The following TNPO2 variants were observed in gnomAD, a reference collection of about 807,000 sequenced individuals.
The protein encoded by TNPO2 is transportin-2.
In TNPO2, 16 loss-of-function variants were observed where a neutral mutation model predicts 111.1. The ratio of observed to expected loss-of-function variants is 0.14; its 90% CI spans 0.10 to 0.22. The LOEUF (loss-of-function observed/expected upper bound fraction) is 0.22, where lower values mean the gene tolerates loss of function less well. Ranked by LOEUF, TNPO2 falls within the 10% of genes least tolerant of loss-of-function variation. TNPO2 has a pLI of 1.00. For missense variants in TNPO2, 530 were observed against 1,173.7 expected (o/e 0.45, Z 8.01); for synonymous variants, 481 against 475.8 (o/e 1.01, Z -0.14).
rs796356190 is a variant in TNPO2 at position 12,699,636 on chromosome 19, A to G, written c.*1628T>C. 5.3e-5 allele frequency: 8 copies of G among 152,100 alleles called. No homozygotes were observed. Among genetic ancestry groups the G allele is most frequent in the African/African-American group, 1.9e-4 (8 of 41,426 alleles). 9.4% of individuals were successfully genotyped at this position (152,100 alleles called of 1,614,324 possible). ...TTCAAAGAACTGGAATTACCAGAAA[A>G]TTAAAAGGTATTTTTAAAACTTTTT... is the stretch of plus-strand genomic sequence containing the variant. On this transcript the variant is annotated 3_prime_UTR_variant, in exon 26 of 26. Transcript: ENST00000425528.
chr19:12,701,298 GCT>G lies in TNPO2; in HGVS notation c.*20+26_*20+27del. On this transcript the variant is annotated intron_variant, in intron 25 of 25. Coordinates refer to ENST00000425528, the MANE Select transcript of TNPO2 (RefSeq NM_001382241.1). This position sits in a 1 kb window ranked among gnomAD's most constrained non-coding sequence, Gnocchi z 5.0. Reference sequence around the variant, plus strand: ...GGGACCTTTCGGCCCCCAAGACAGTGCTGACTTGCCAGCTGCAGTCTCCTTAC... The same window carrying G: ...GGGACCTTTCGGCCCCCAAGACAGTGGACTTGCCAGCTGCAGTCTCCTTAC... 6.7e-7 allele frequency: 1 copy of G among 1,500,016 alleles called. No homozygotes were observed. Among genetic ancestry groups the G allele is most frequent in the East Asian group, 2.3e-5 (1 of 44,064 alleles). 92.9% of individuals were successfully genotyped at this position (1,500,016 alleles called of 1,614,324 possible).
rs200335232 is a variant in TNPO2, at chr19:12,715,869, CT to C, written c.326-131del. The C allele has an allele frequency of 2.4e-3, 1,399 of 578,964 alleles. No individual in the cohort carries two copies. The highest frequency in any genetic ancestry group is 3.1e-3 in the Middle Eastern group (7 of 2,242). 35.9% of individuals were successfully genotyped at this position (578,964 alleles called of 1,614,324 possible). A position where few individuals can be genotyped will look rare whatever the true frequency, so the allele number is the denominator to read the frequency against. Reference sequence around the variant, plus strand: ...ATGTACGCCCTCTACATCCCCCCTCCTTTTTTTTTTCTTTGTAAGAGATAGA... The same window carrying C: ...ATGTACGCCCTCTACATCCCCCCTCCTTTTTTTTTCTTTGTAAGAGATAGA... On this transcript the variant is annotated intron_variant, in intron 5 of 25. Transcript: ENST00000425528. This position sits in a 1 kb window ranked among gnomAD's most constrained non-coding sequence, Gnocchi z 7.1.
rs943622249 is a variant in TNPO2, at chr19:12,721,135, G to T, written c.-13-145C>A. Reference sequence around the variant, plus strand: ...AGGCCTCCGATCCACGCCCGCCCAAGTGCGGGGTCCCCGCCAGCTGCGCCA... The same window carrying T: ...AGGCCTCCGATCCACGCCCGCCCAATTGCGGGGTCCCCGCCAGCTGCGCCA... On this transcript the variant is annotated intron_variant, in intron 2 of 25. Transcript: ENST00000425528. This position sits in a 1 kb window ranked among gnomAD's most constrained non-coding sequence, Gnocchi z 4.9. 6.8e-7 allele frequency: 1 copy of T among 1,469,478 alleles called. No homozygotes were observed. The highest frequency in any genetic ancestry group is 8.9e-7 in the Non-Finnish European group (1 of 1,118,042). The allele number at this position is 1,469,478 out of a possible 1,614,324, so 91.0% of individuals were successfully genotyped here.
Position 12,712,856 on chromosome 19 carries a change from ACT to A in TNPO2, c.891-1245_891-1244del, listed in dbSNP as rs2026141933. ...CTTTGTCTTGTGTCTTTATTTCTACACTCTCTCATCGCCGCACACAGGAAGAG... is the reference window on the plus strand; with the variant it reads ...CTTTGTCTTGTGTCTTTATTTCTACACTCTCATCGCCGCACACAGGAAGAG... On this transcript the variant is annotated intron_variant, in intron 10 of 25. Transcript: ENST00000425528. 2.0e-5 allele frequency among the ~76,000 whole-genome samples: 3 copies of A among 151,676 alleles called. No individual in the cohort carries two copies. The South Asian group carries it at 6.3e-4, about 32-fold the overall frequency.
chr19:12,703,425 C>T lies in TNPO2; in HGVS notation c.2209+3G>A. ...CGCGTGTTGCCACTTGCAGGGCACT[C>T]ACCCATCTGCATGCAGATTTCACCA... On this transcript the variant is annotated splice_donor_region_variant and intron_variant, in intron 20 of 25. Coordinates refer to ENST00000425528, the MANE Select transcript of TNPO2 (RefSeq NM_001382241.1). The T allele has an allele frequency of 6.2e-7, 1 of 1,613,496 alleles. No individual in the cohort carries two copies. The highest frequency in any genetic ancestry group is 8.5e-7 in the Non-Finnish European group (1 of 1,179,626).
At chr19:12,720,261 C>T (rs763726731) in intron 3 of TNPO2, among the ~76,000 whole-genome samples, 12 of 151,758 alleles carry the variant, frequency 7.9e-5, no homozygotes, top group Admixed American at 2.6e-4. Flanking sequence ...TCAGGTGATC[C>T]GTCCGCCTCG....
At position 12,721,246 on chromosome 19, in the gene TNPO2, AT is replaced by A; in HGVS notation, c.-13-257del. 7.7e-7 allele frequency: 1 copy of A among 1,302,190 alleles called. No homozygotes were observed. Among genetic ancestry groups the A allele is most frequent in the Non-Finnish European group, 9.8e-7 (1 of 1,023,110 alleles). 80.7% of individuals were successfully genotyped at this position (1,302,190 alleles called of 1,614,324 possible). ...AGGCGGCGGCGGCGGGGCCCGGCGG[AT>A]CCTCATGGGACCCAGCGAAGAGCCC... On this transcript the variant is annotated intron_variant, in intron 2 of 25. Coordinates refer to ENST00000425528, the MANE Select transcript of TNPO2 (RefSeq NM_001382241.1). The surrounding 1 kb of genome is among the most constrained non-coding windows in gnomAD (Gnocchi z 4.9).
In TNPO2 at chr19:12,706,881, C is replaced by T; in HGVS notation, c.1271-86G>A. Reference sequence around the variant, plus strand: ...GGAGAGAAGAGTCAGCCGCACACAACATATAGGGAAACTGAGGCTTAGAGT... The same window carrying T: ...GGAGAGAAGAGTCAGCCGCACACAATATATAGGGAAACTGAGGCTTAGAGT... On this transcript the variant is annotated intron_variant, in intron 13 of 25. Transcript: ENST00000425528. The surrounding 1 kb of genome is among the most constrained non-coding windows in gnomAD (Gnocchi z 7.0). 4 of 1,125,362 alleles carry T rather than the reference C, an allele frequency of 3.6e-6. No homozygotes were observed. The highest frequency in any genetic ancestry group is 1.5e-5 in the African/African-American group (1 of 64,902). 69.7% of individuals were successfully genotyped at this position (1,125,362 alleles called of 1,614,324 possible).
chr19:12,714,643 T>A (rs556880843), intron 10 of TNPO2, among the ~76,000 whole-genome samples, 178 bp downstream of exon 10: 2 of 152,280 alleles, frequency 1.3e-5, no homozygotes, highest in South Asian at 4.1e-4. Context: ...ACCTATCAGT[T>A]ACCTAATTTT....
Position 12,703,863 on chromosome 19 carries a change from G to A in TNPO2, c.2023-62C>T, listed in dbSNP as rs1019965941. 7 of 1,420,496 alleles carry A rather than the reference G, an allele frequency of 4.9e-6. No individual in the cohort carries two copies. In the African/African-American group the frequency reaches 8.6e-5, roughly 17 times the overall value. The allele number at this position is 1,420,496 out of a possible 1,614,324, so 88.0% of individuals were successfully genotyped here. A position where few individuals can be genotyped will look rare whatever the true frequency, so the allele number is the denominator to read the frequency against. On this transcript the variant is annotated intron_variant, in intron 18 of 25. Coordinates refer to ENST00000425528, the MANE Select transcript of TNPO2 (RefSeq NM_001382241.1). ...CCTCCTTCTAACCAGGACAGCTCAGGGGGCACAGTCCCTGGTGCATGTCCA... is the reference window on the plus strand; with the variant it reads ...CCTCCTTCTAACCAGGACAGCTCAGAGGGCACAGTCCCTGGTGCATGTCCA...
In TNPO2 at chr19:12,701,902, T is replaced by G. The variant is rs1198641087; in HGVS notation, c.2412-51A>C. ...TCAGAGGGCAGGCTGGGCATGCATC[T>G]GTGGAGGGCTGGGTCACTGGGGATC... On this transcript the variant is annotated intron_variant, in intron 22 of 25. Coordinates refer to ENST00000425528, the MANE Select transcript of TNPO2 (RefSeq NM_001382241.1). This position sits in a 1 kb window ranked among gnomAD's most constrained non-coding sequence, Gnocchi z 5.0. 2 of 1,534,774 alleles carry G rather than the reference T, an allele frequency of 1.3e-6. No individual in the cohort carries two copies. The highest frequency in any genetic ancestry group is 1.8e-6 in the Non-Finnish European group (2 of 1,110,708).
Position 12,702,860 on chromosome 19 carries a change from G to C in TNPO2, c.2268C>G (p.Asn756Lys), listed in dbSNP as rs371119871. ...GCAGTGTCTTGGGTGTGTTGGGTCGGTTAATGATTTCCACCAGGTTGTTGA... is the reference window on the plus strand; with the variant it reads ...GCAGTGTCTTGGGTGTGTTGGGTCGCTTAATGATTTCCACCAGGTTGTTGA... ...MVLNNLVEII[N>K]RPNTPKTLLE... The change falls in exon 21 of 26, where the codon AAC becomes AAG. Residue 756 changes from asparagine (N) to lysine (K), a missense_variant. This residue lies in a region of TNPO2 where 183 missense variants were observed against 481.0 expected (regional missense o/e 0.38). Transcript: ENST00000425528. This position sits in a 1 kb window ranked among gnomAD's most constrained non-coding sequence, Gnocchi z 5.5. 10 of 1,613,922 alleles carry C rather than the reference G, an allele frequency of 6.2e-6. No homozygotes were observed. Among genetic ancestry groups the C allele is most frequent in the Non-Finnish European group, 8.5e-6 (10 of 1,179,828 alleles).
At chr19:12,712,279 G>A (rs1456840566) in intron 10 of TNPO2, among the ~76,000 whole-genome samples, 2 of 152,288 alleles carry the variant, frequency 1.3e-5, no homozygotes, top group East Asian at 1.9e-4. Flanking sequence ...ATGGTCCAGC[G>A]GTAGCAAAAG....
intron 10 of TNPO2, among the ~76,000 whole-genome samples, chr19:12,714,564 G>A (rs143283699): frequency 1.9e-4 from 29 of 152,064 alleles, no homozygotes; most frequent in African/African-American, 6.3e-4. Context: ...TGCCCGCCTC[G>A]GCCTCCCAAA....
chr19:12,714,774 C>A, intron 10 of TNPO2, 47 bp downstream of exon 10: 2 of 1,497,320 alleles, frequency 1.3e-6, no homozygotes, highest in Non-Finnish European at 1.9e-6. Context: ...AGAGGCATAG[C>A]AAGGGGTCGA....
At chr19:12,714,996 C>T (rs1568337606) in intron 9 of TNPO2, 51 bp downstream of exon 9, 1 of 1,586,634 alleles carries the variant, frequency 6.3e-7, no homozygotes, top group Non-Finnish European at 8.6e-7. Context: ...TCCCTGACCC[C>T]TGCCACCGGC....
rs1417290364 is a variant in TNPO2 at position 12,703,613 on chromosome 19, C to T, written c.2111-87G>A. On this transcript the variant is annotated intron_variant, in intron 19 of 25. Coordinates refer to ENST00000425528, the MANE Select transcript of TNPO2 (RefSeq NM_001382241.1). ...GTCCAGCAGGCCCCATCAGACAGTACGAATACATCCCAATGTGGTCACAGT... is the reference window on the plus strand; with the variant it reads ...GTCCAGCAGGCCCCATCAGACAGTATGAATACATCCCAATGTGGTCACAGT... The T allele has an allele frequency of 4.5e-6, 7 of 1,568,840 alleles. No individual in the cohort carries two copies. The East Asian group carries it at 9.0e-5, about 20-fold the overall frequency.
chr19:12,719,657 G>A lies in TNPO2; in HGVS notation c.100-321C>T, dbSNP rs541467254. ...CTAAACATACAAAAAAATTATCCGG[G>A]CATGATGTGTGCGTGCCTCTATTCC... On this transcript the variant is annotated intron_variant, in intron 3 of 25. Coordinates refer to ENST00000425528, the MANE Select transcript of TNPO2 (RefSeq NM_001382241.1). The surrounding 1 kb of genome is among the most constrained non-coding windows in gnomAD (Gnocchi z 5.0). Among the ~76,000 whole-genome samples the A allele has an allele frequency of 6.6e-6, 1 of 152,256 alleles. No individual in the cohort carries two copies. The highest frequency in any genetic ancestry group is 2.4e-5 in the African/African-American group (1 of 41,542).
At chr19:12,720,192 A>AT (rs138211717) in intron 3 of TNPO2, among the ~76,000 whole-genome samples, 12,855 of 151,588 alleles carry the variant, frequency 0.085, 816 homozygotes, top group Non-Finnish European at 0.12. Flanking sequence ...TAATTTTTGT[A>AT]TTTTTAGTAG....
Sources: allele counts gnomAD v4.1 joint callset (sites outside exome capture counted in the v4.1 genomes callset), GRCh38; gene constraint gnomAD v4.1.1; regional missense constraint gnomAD v4.1.1; non-coding constraint Gnocchi (gnomAD v3.1); transcripts MANE v1.5; gene names NCBI Gene and HGNC (gene_info 2026-07-23, HGNC 2026-07-21).